PTPRE: variants seen among roughly 807,000 people sequenced by gnomAD.
PTPRE encodes receptor-type tyrosine-protein phosphatase epsilon.
In PTPRE, 51 loss-of-function variants were observed where a neutral mutation model predicts 102.0. The ratio of observed to expected loss-of-function variants is 0.50; its 90% CI spans 0.40 to 0.63. PTPRE has a LOEUF of 0.63. Ranked by LOEUF, PTPRE falls within the 30% of genes least tolerant of loss-of-function variation. The probability of loss-of-function intolerance (pLI) is 0.00; values close to 1 mark genes in which losing one functional copy is unlikely to be tolerated. For synonymous variants in PTPRE, 345 were observed against 348.2 expected, an observed-to-expected ratio of 0.99 and a Z score of 0.10; for missense variants, 752 against 915.1, an observed-to-expected ratio of 0.82 and a Z score of 2.30.
At position 128,035,629 on chromosome 10, in the gene PTPRE, G is replaced by A. The variant is rs76315448; in HGVS notation, c.-7-5246G>A. Among the ~76,000 whole-genome samples the A allele has an allele frequency of 0.011, 1,699 of 152,328 alleles. 91 individuals are homozygous for A. The East Asian group carries it at 0.16, about 14-fold the overall frequency. On this transcript the variant is annotated intron_variant, in intron 2 of 20. Coordinates refer to ENST00000254667, the MANE Select transcript of PTPRE (RefSeq NM_006504.6). ...TGAAAGCCAAACAGCTGCAGGTTTT[G>A]ACCAGGTAGGTGATGGGTTCGGGCT...
chr10:128,047,461 G>T lies in PTPRE; in HGVS notation c.181G>T (p.Val61Leu). ...LLLPLLLLLLVLLLAAYFFRF... is the reference protein window; with the variant it reads ...LLLPLLLLLLLLLLAAYFFRF... ...ACTGCCGCTGCTGCTCCTCCTCCTC[G>T]TGCTCCTTCTCGCCGCCTACTTCTT... Residue 61 changes from valine (V) to leucine (L), a missense_variant, in exon 4 of 21, where the codon GTG becomes TTG. Transcript: ENST00000254667. 1 of 1,613,364 alleles carries T rather than the reference G, an allele frequency of 6.2e-7. No homozygotes were observed. Among genetic ancestry groups the T allele is most frequent in the Non-Finnish European group, 8.5e-7 (1 of 1,180,016 alleles).
rs1845576264 is a variant in PTPRE, at chr10:127,907,658, C to G, written c.-31+349C>G. Among the ~76,000 whole-genome samples, 1 of 152,038 alleles carries G rather than the reference C, an allele frequency of 6.6e-6. No homozygotes were observed. Among genetic ancestry groups the G allele is most frequent in the Non-Finnish European group, 1.5e-5 (1 of 67,970 alleles). On this transcript the variant is annotated intron_variant, in intron 1 of 20. Coordinates refer to ENST00000254667, the MANE Select transcript of PTPRE (RefSeq NM_006504.6). The surrounding 1 kb of genome is among the most constrained non-coding windows in gnomAD (Gnocchi z 4.8). ...CGGGGGCCGGCGGCAGGGCGGCGTA[C>G]GTGAAAGCGGGCGACACAGAGAGGG... is the stretch of plus-strand genomic sequence containing the variant.
At position 128,060,939 on chromosome 10, in the gene PTPRE, A is replaced by G. The variant is rs1849533382; in HGVS notation, c.512A>G (p.Asn171Ser). 4.3e-6 allele frequency: 7 copies of G among 1,613,982 alleles called. No individual in the cohort carries two copies. The highest frequency in any genetic ancestry group is 5.1e-6 in the Non-Finnish European group (6 of 1,179,914). ...EKNRYPNILPNDHSRVILSQL... is the reference protein window; with the variant it reads ...EKNRYPNILPSDHSRVILSQL... Reference sequence around the variant, plus strand: ...GGCTTTGTTTGGGTTTTTTTTCCAGATGACCATTCTAGGGTGATTCTGAGC... The same window carrying G: ...GGCTTTGTTTGGGTTTTTTTTCCAGGTGACCATTCTAGGGTGATTCTGAGC... Residue 171 changes from asparagine to serine, a missense_variant and splice_region_variant, in exon 8 of 21, where the codon AAT becomes AGT. Asn to Ser is a conservative substitution (Grantham distance 46). Transcript: ENST00000254667.
In PTPRE at chr10:127,909,359, C is replaced by T. The variant is rs187627646; in HGVS notation, c.-31+2050C>T. 2.5e-4 allele frequency among the ~76,000 whole-genome samples: 38 copies of T among 152,302 alleles called. 1 individual carries two copies. In the East Asian group the frequency reaches 5.2e-3, roughly 21 times the overall value. ...ATCAGTTTCAACTGGTGAAAGTATG[C>T]TTCTCCCAGCTGTGCCTCAGTGGGT... is the stretch of plus-strand genomic sequence containing the variant. On this transcript the variant is annotated intron_variant, in intron 1 of 20. Coordinates refer to ENST00000254667, the MANE Select transcript of PTPRE (RefSeq NM_006504.6).
At chr10:128,076,934 T>C (rs577264448) in intron 18 of PTPRE, among the ~76,000 whole-genome samples, 4 of 152,240 alleles carry the variant, frequency 2.6e-5, no homozygotes, top group African/African-American at 9.6e-5. Flanking sequence ...CTACCTCCCA[T>C]TTATCTCTCA....
rs1845550487 is a variant in PTPRE at position 127,907,407 on chromosome 10, G to A, written c.-31+98G>A. Reference sequence around the variant, plus strand: ...GGGGCGCTGCCTCGGCCGCTGCCGCGGGAGGGAGGGGCCGCTCCGGGGCTC... The same window carrying A: ...GGGGCGCTGCCTCGGCCGCTGCCGCAGGAGGGAGGGGCCGCTCCGGGGCTC... On this transcript the variant is annotated intron_variant, in intron 1 of 20. Transcript: ENST00000254667. This position sits in a 1 kb window ranked among gnomAD's most constrained non-coding sequence, Gnocchi z 4.8. 1.1e-6 allele frequency: 1 copy of A among 900,632 alleles called. No homozygotes were observed. The highest frequency in any genetic ancestry group is 6.2e-5 in the Admixed American group (1 of 16,080). The allele number at this position is 900,632 out of a possible 1,614,324, so 55.8% of individuals were successfully genotyped here. A position where few individuals can be genotyped will look rare whatever the true frequency, so the allele number is the denominator to read the frequency against.
At chr10:128,042,567 C>T (rs1029410616) in intron 3 of PTPRE, among the ~76,000 whole-genome samples, 7 of 152,122 alleles carry the variant, frequency 4.6e-5, no homozygotes, top group Non-Finnish European at 1.0e-4. Context: ...AAATGGGCCT[C>T]GGGTTATAAG....
At chr10:128,029,782 C>A (rs1338751286) in intron 2 of PTPRE, among the ~76,000 whole-genome samples, 1 of 152,240 alleles carries the variant, frequency 6.6e-6, no homozygotes, top group Admixed American at 6.5e-5. Flanking sequence ...CTGCCTAAGG[C>A]CCCCACAGTG....
intron 20 of PTPRE, among the ~76,000 whole-genome samples, chr10:128,080,925 G>T (rs1343149956): frequency 6.6e-6 from 1 of 152,198 alleles, no homozygotes; most frequent in African/African-American, 2.4e-5. Context: ...GTGCCTTACA[G>T]ATGTCTTTCT....
intron 5 of PTPRE, 25 bp from the exon 6 acceptor site, chr10:128,049,505 C>A (rs377069781): frequency 1.2e-6 from 2 of 1,611,926 alleles, no homozygotes; most frequent in East Asian, 2.2e-5. Flanking sequence ...GCTAAATGGC[C>A]CCCATGTTTC....
At chr10:127,925,941 G>A (rs1846977158) in intron 1 of PTPRE, among the ~76,000 whole-genome samples, 1 of 152,122 alleles carries the variant, frequency 6.6e-6, no homozygotes, top group African/African-American at 2.4e-5. Context: ...AAGTATACCT[G>A]GTATTACAGT....
chr10:128,076,711 C>T lies in PTPRE; in HGVS notation c.1708C>T (p.Leu570=), dbSNP rs1260695480. 2 of 1,611,338 alleles carry T rather than the reference C, an allele frequency of 1.2e-6. No individual in the cohort carries two copies. Among genetic ancestry groups the T allele is most frequent in the Non-Finnish European group, 8.5e-7 (1 of 1,179,346 alleles). Residue 570 remains leucine (L), a synonymous_variant, in exon 18 of 21, where the codon CTG becomes TTG. Coordinates refer to ENST00000254667, the MANE Select transcript of PTPRE (RefSeq NM_006504.6). Reference sequence around the variant, plus strand: ...AGAAGCCATCAGTATACGAGACTTTCTGGTCACTCTCAATCAGGTATTGTT... The same window carrying T: ...AGAAGCCATCAGTATACGAGACTTTTTGGTCACTCTCAATCAGGTATTGTT... ...LSEAISIRDF[L]VTLNQPQARQ...
chr10:127,916,749 A>G (rs1846235110), intron 1 of PTPRE, among the ~76,000 whole-genome samples: 1 of 152,136 alleles, frequency 6.6e-6, no homozygotes, highest in Non-Finnish European at 1.5e-5. Flanking sequence ...ACATTTGTAC[A>G]CCATCCAGGA....
intron 11 of PTPRE, 111 bp from the exon 12 acceptor site, chr10:128,068,012 C>T: frequency 7.9e-7 from 1 of 1,262,732 alleles, no homozygotes; most frequent in Non-Finnish European, 1.1e-6. Flanking sequence ...GGGCCCCTCC[C>T]CTACGCAGCC....
chr10:128,064,574 G>T (rs1354155696), intron 10 of PTPRE, among the ~76,000 whole-genome samples: 1 of 152,202 alleles, frequency 6.6e-6, no homozygotes, highest in African/African-American at 2.4e-5. Context: ...TCTTCCTGGG[G>T]TTGGTGCTCC....
chr10:127,987,991 C>T (rs1463555869), intron 2 of PTPRE, among the ~76,000 whole-genome samples: 5 of 152,176 alleles, frequency 3.3e-5, no homozygotes, highest in Non-Finnish European at 2.9e-5. Context: ...GTTCATGTTG[C>T]GATATTGTCG....
chr10:128,023,113 GAAGA>G (rs1846038553), intron 2 of PTPRE, among the ~76,000 whole-genome samples: 1 of 152,182 alleles, frequency 6.6e-6, no homozygotes, highest in South Asian at 2.1e-4. Context: ...GTTTGAGAGA[GAAGA>G]GAGAGACCAC....
chr10:127,982,836 T>C (rs1484879491), intron 2 of PTPRE, among the ~76,000 whole-genome samples: 1 of 152,216 alleles, frequency 6.6e-6, no homozygotes, highest in Non-Finnish European at 1.5e-5. Flanking sequence ...CAAAATTCCA[T>C]GACCTTGATG....
chr10:127,952,318 C>T (rs1318732564), intron 1 of PTPRE, among the ~76,000 whole-genome samples: 1 of 151,070 alleles, frequency 6.6e-6, no homozygotes, highest in Non-Finnish European at 1.5e-5. Flanking sequence ...CCAATGCCTA[C>T]TTGTTGTGCC....
Sources: gnomAD v4.1 joint callset for allele counts (sites outside exome capture counted in the v4.1 genomes callset) on GRCh38, gnomAD v4.1.1 for gene constraint, Gnocchi (gnomAD v3.1) non-coding constraint, MANE v1.5 for transcripts, NCBI Gene and HGNC (gene_info 2026-07-23, HGNC 2026-07-21) for gene names.